The following ERC2 variants were observed in gnomAD, a reference collection of about 807,000 sequenced individuals.
The protein encoded by ERC2 is ERC protein 2.
Under a neutral mutation model 114.8 loss-of-function variants are expected in ERC2, and 42 were observed. The ratio of observed to expected loss-of-function variants is 0.37; its 90% confidence interval spans 0.29 to 0.47. ERC2 has a LOEUF of 0.47. Ranked by LOEUF, ERC2 falls within the 20% of genes least tolerant of loss-of-function variation. ERC2 has a pLI of 0.99. For synonymous variants in ERC2, 454 were observed against 425.5 expected, an observed-to-expected ratio of 1.07 and a Z score of -0.82; for missense variants, 939 against 1,150.7, an observed-to-expected ratio of 0.82 and a Z score of 2.66.
chr3:56,240,648 G>A (rs2051263846), intron 3 of ERC2, among the ~76,000 whole-genome samples: 1 of 152,090 alleles, frequency 6.6e-6, no homozygotes, highest in South Asian at 2.1e-4. Context: ...CCAACTGTGA[G>A]ATGCAGTCCA....
At chr3:56,333,730 T>A (rs1272700305) in intron 2 of ERC2, among the ~76,000 whole-genome samples, 2 of 152,188 alleles carry the variant, frequency 1.3e-5, no homozygotes, top group Non-Finnish European at 2.9e-5. Flanking sequence ...AAAAGGTAAT[T>A]TTTCAATGAA....
intron 3 of ERC2, among the ~76,000 whole-genome samples, chr3:56,265,784 T>C (rs2053250806): frequency 6.6e-6 from 1 of 151,986 alleles, no homozygotes; most frequent in South Asian, 2.1e-4. Flanking sequence ...ATCCCGACAC[T>C]TTGGGAGGCC....
intron 15 of ERC2, among the ~76,000 whole-genome samples, chr3:55,706,101 T>A (rs1039758892): frequency 1.3e-5 from 2 of 151,998 alleles, no homozygotes; most frequent in Non-Finnish European, 2.9e-5. Context: ...CTGAAACAAC[T>A]CTAAATCTGT....
intron 14 of ERC2, among the ~76,000 whole-genome samples, chr3:55,829,979 G>A (rs1232114063): frequency 1.3e-5 from 2 of 152,004 alleles, no homozygotes; most frequent in Non-Finnish European, 2.9e-5. Context: ...CTTCAAACAG[G>A]AGAAACAAAC....
At chr3:56,111,197 C>A (rs2078939639) in intron 6 of ERC2, among the ~76,000 whole-genome samples, 1 of 152,010 alleles carries the variant, frequency 6.6e-6, no homozygotes. Flanking sequence ...TTAAGAGATT[C>A]ACTTTCTAAC....
chr3:56,335,954 T>C (rs1429519703), intron 2 of ERC2, among the ~76,000 whole-genome samples: 2 of 152,106 alleles, frequency 1.3e-5, no homozygotes, highest in Non-Finnish European at 2.9e-5. Context: ...CAAGTAATAA[T>C]AATAGCAGAA....
intron 1 of ERC2, among the ~76,000 whole-genome samples, chr3:56,448,228 T>G (rs906824343): frequency 1.3e-5 from 2 of 152,130 alleles, no homozygotes; most frequent in Non-Finnish European, 2.9e-5. Context: ...CTCTCTTCCC[T>G]CCTATTATAA....
chr3:56,020,570 T>C (rs372945308), intron 7 of ERC2, among the ~76,000 whole-genome samples: 1 of 152,224 alleles, frequency 6.6e-6, no homozygotes, highest in African/African-American at 2.4e-5. Context: ...AGAATATGGA[T>C]GGTTATATGT....
intron 6 of ERC2, among the ~76,000 whole-genome samples, chr3:56,125,245 T>C (rs959121899): frequency 6.6e-6 from 1 of 152,208 alleles, no homozygotes; most frequent in African/African-American, 2.4e-5. Flanking sequence ...TTAGGATTCC[T>C]TGAATCAGGC....
At chr3:56,348,606 G>A (rs929471028) in intron 2 of ERC2, among the ~76,000 whole-genome samples, 1 of 150,590 alleles carries the variant, frequency 6.6e-6, no homozygotes. Context: ...AAATCTGCAG[G>A]TTCTTAAACA....
At chr3:56,282,502 C>T (rs968584836) in intron 3 of ERC2, among the ~76,000 whole-genome samples, 3 of 152,176 alleles carry the variant, frequency 2.0e-5, no homozygotes, top group African/African-American at 7.2e-5. Context: ...AGATGGTATG[C>T]TGGTTCTCAT....
intron 7 of ERC2, among the ~76,000 whole-genome samples, chr3:56,030,651 T>A (rs920153519): frequency 2.6e-5 from 4 of 152,226 alleles, no homozygotes; most frequent in African/African-American, 9.6e-5. Flanking sequence ...TAAAAATTAA[T>A]GTTAGAACAA....
At position 55,630,281 on chromosome 3, in the gene ERC2, T is replaced by C. The variant is rs149010177; in HGVS notation, c.*39+53513A>G. On this transcript the variant is annotated intron_variant, in intron 17 of 17. Transcript: ENST00000288221. Reference sequence around the variant, plus strand: ...GCCTCCCAGGTTCAAGTGATTCTCCTGCCTCCGCCGCCTGAGTAGCTGGAA... The same window carrying C: ...GCCTCCCAGGTTCAAGTGATTCTCCCGCCTCCGCCGCCTGAGTAGCTGGAA... Among the ~76,000 whole-genome samples the C allele has an allele frequency of 5.6e-3, 857 of 152,328 alleles. 3 individuals carry two copies. Among genetic ancestry groups the C allele is most frequent in the Non-Finnish European group, 9.7e-3 (660 of 68,032 alleles).
chr3:56,407,367 C>T (rs1441579399), intron 2 of ERC2, among the ~76,000 whole-genome samples: 51 of 152,176 alleles, frequency 3.4e-4, no homozygotes, highest in Admixed American at 3.3e-3. Context: ...CTCTAATTTC[C>T]ATTCTGACAT....
chr3:56,274,396 C>T (rs1022693923), intron 3 of ERC2, among the ~76,000 whole-genome samples: 1 of 152,128 alleles, frequency 6.6e-6, no homozygotes, highest in Admixed American at 6.6e-5. Context: ...GGACCACCTA[C>T]CACAGCATAC....
chr3:55,759,891 T>C (rs1052208168), intron 14 of ERC2, among the ~76,000 whole-genome samples: 2 of 152,236 alleles, frequency 1.3e-5, no homozygotes, highest in Admixed American at 1.3e-4. Context: ...TTCTTTGTAC[T>C]TGTGAAGTTT....
At chr3:56,111,568 C>A (rs550831712) in intron 6 of ERC2, among the ~76,000 whole-genome samples, 1 of 152,276 alleles carries the variant, frequency 6.6e-6, no homozygotes, top group South Asian at 2.1e-4. Context: ...CTTTACGGAG[C>A]AGACCACTTA....
intron 3 of ERC2, among the ~76,000 whole-genome samples, chr3:56,232,862 C>T (rs1181910027): frequency 1.3e-5 from 2 of 152,228 alleles, no homozygotes; most frequent in Non-Finnish European, 2.9e-5. Flanking sequence ...GGGCCTTCTG[C>T]CTCAGACCTT....
chr3:56,080,934 T>C lies in ERC2; in HGVS notation c.1524A>G (p.Lys508=), dbSNP rs2077198848. The change falls in exon 7 of 18, where the codon AAA becomes AAG. Residue 508 remains lysine (K), a synonymous_variant. Transcript: ENST00000288221. ...TGAGGTCCTGTAGCTGTTTTGTTTT[T>C]TTATTGAGGAAAGATTCTTTTTCTT... The part of the protein sequence containing the change: ...RLEEKESFLN[K]KTKQLQDLTE... The C allele has an allele frequency of 1.9e-6, 3 of 1,613,632 alleles. No homozygotes were observed. Among genetic ancestry groups the C allele is most frequent in the Non-Finnish European group, 2.5e-6 (3 of 1,179,718 alleles).
Sources: allele counts gnomAD v4.1 joint callset (sites outside exome capture counted in the v4.1 genomes callset), GRCh38; gene constraint gnomAD v4.1.1; transcripts MANE v1.5; gene names NCBI Gene and HGNC (gene_info 2026-07-23, HGNC 2026-07-21).